Variants in AGBL4 observed in about 807,000 individuals in gnomAD.
The protein encoded by AGBL4 is AGBL carboxypeptidase 4.
AGBL4 carries 58 observed loss-of-function variants against 66.4 expected under a neutral mutation model. The ratio of observed to expected loss-of-function variants is 0.87; its 90% CI spans 0.71 to 1.09. AGBL4 has a LOEUF of 1.09. AGBL4 is among the 50% of genes least tolerant of loss of function. The pLI, the probability that AGBL4 is intolerant of heterozygous loss-of-function variation, is 0.00. For synonymous variants in AGBL4, 234 were observed against 222.9 expected, an observed-to-expected ratio of 1.05 and a Z score of -0.44; for missense variants, 579 against 631.0, an observed-to-expected ratio of 0.92 and a Z score of 0.88.
At chr1:49,786,917 A>G (rs1644468166) in intron 2 of AGBL4, among the ~76,000 whole-genome samples, 1 of 152,160 alleles carries the variant, frequency 6.6e-6, no homozygotes, top group Non-Finnish European at 1.5e-5. Context: ...TTCCATCACT[A>G]CATAACAAGA....
intron 3 of AGBL4, among the ~76,000 whole-genome samples, chr1:49,402,018 A>C (rs1645097335): frequency 6.6e-6 from 1 of 152,054 alleles, no homozygotes; most frequent in Non-Finnish European, 1.5e-5. Context: ...TATCAGTTGT[A>C]ATGTCTCTTT....
At chr1:49,552,220 G>A (rs575641223) in intron 3 of AGBL4, among the ~76,000 whole-genome samples, 1 of 152,248 alleles carries the variant, frequency 6.6e-6, no homozygotes, top group South Asian at 2.1e-4. Context: ...CTTACCCCAA[G>A]CTACCTGTCT....
At chr1:49,568,571 T>A in intron 3 of AGBL4, among the ~76,000 whole-genome samples, 1 of 149,390 alleles carries the variant, frequency 6.7e-6, no homozygotes, top group East Asian at 2.0e-4. Flanking sequence ...AAAATGGCAA[T>A]ACTGACCAAA....
intron 6 of AGBL4, among the ~76,000 whole-genome samples, chr1:48,758,079 T>C (rs1367854465): frequency 6.6e-6 from 1 of 152,228 alleles, no homozygotes; most frequent in Non-Finnish European, 1.5e-5. Flanking sequence ...TAAACCACTT[T>C]AGATCAGAAA....
chr1:49,545,321 A>T (rs980569821), intron 3 of AGBL4, among the ~76,000 whole-genome samples: 1 of 152,204 alleles, frequency 6.6e-6, no homozygotes, highest in Non-Finnish European at 1.5e-5. Context: ...TGAGGCCCTC[A>T]GTCAAATAGT....
At chr1:49,291,798 C>T (rs1424904439) in intron 3 of AGBL4, among the ~76,000 whole-genome samples, 2 of 152,162 alleles carry the variant, frequency 1.3e-5, no homozygotes, top group East Asian at 1.9e-4. Context: ...TGGGGCTGCA[C>T]ATTCCACAGA....
At chr1:49,289,442 G>A (rs7514767) in intron 3 of AGBL4, among the ~76,000 whole-genome samples, 65,400 of 151,962 alleles carry the variant, frequency 0.43, 16,647 homozygotes, top group Non-Finnish European at 0.58. Context: ...TATAAAAAGC[G>A]ATAGTGCTAT....
At chr1:49,894,859 A>G (rs934055504) in intron 1 of AGBL4, among the ~76,000 whole-genome samples, 3 of 152,142 alleles carry the variant, frequency 2.0e-5, no homozygotes, top group African/African-American at 7.2e-5. Flanking sequence ...ATTTTTTCAA[A>G]GTAATAATAG....
chr1:49,347,252 C>CTT lies in AGBL4; in HGVS notation c.283-101390_283-101389dup, dbSNP rs35313917. On this transcript the variant is annotated intron_variant, in intron 3 of 13. Transcript: ENST00000371839. The stretch of plus-strand genomic sequence containing the variant: ...AGCCATTTCCTTTCTTTCTTTCTTT[C>CTT]TTTTTTTTTTTTTTTTTGAGATGGA... Among the ~76,000 whole-genome samples, 6 of 115,830 alleles carry CTT rather than the reference C, an allele frequency of 5.2e-5. 1 individual carries two copies. The highest frequency in any genetic ancestry group is 9.4e-5 in the African/African-American group (3 of 31,904). 76.0% of individuals were successfully genotyped at this position (115,830 alleles called of 152,430 possible).
intron 9 of AGBL4, among the ~76,000 whole-genome samples, chr1:48,630,432 T>G (rs1045246096): frequency 3.8e-4 from 58 of 152,106 alleles, no homozygotes; most frequent in African/African-American, 1.4e-3. Context: ...TACTAACTGT[T>G]CCTCCTGGGT....
intron 5 of AGBL4, among the ~76,000 whole-genome samples, chr1:49,031,115 TTTCA>T: frequency 6.6e-6 from 1 of 152,140 alleles, no homozygotes; most frequent in Middle Eastern, 3.4e-3. Context: ...TTTGAAACAG[TTTCA>T]CTTTGTCACC....
chr1:48,620,815 G>T (rs1645400542), intron 9 of AGBL4, among the ~76,000 whole-genome samples: 3 of 152,146 alleles, frequency 2.0e-5, no homozygotes, highest in African/African-American at 7.2e-5. Flanking sequence ...TAAGTGCTTA[G>T]TGGGTTTTTG....
chr1:49,993,864 G>A lies in AGBL4; in HGVS notation c.34+29899C>T, dbSNP rs541617498. ...TAAACCTTTGCTGTTGTAAACTCCT[G>A]GGATTTTTAAGTATTTACTATCACT... On this transcript the variant is annotated intron_variant, in intron 1 of 13. Coordinates refer to ENST00000371839, the MANE Select transcript of AGBL4 (RefSeq NM_032785.4). 9.2e-5 allele frequency among the ~76,000 whole-genome samples: 14 copies of A among 152,226 alleles called. 1 individual carries two copies. The South Asian group carries it at 2.9e-3, about 32-fold the overall frequency.
intron 4 of AGBL4, among the ~76,000 whole-genome samples, chr1:49,131,278 T>C (rs1426225217): frequency 6.6e-6 from 1 of 152,032 alleles, no homozygotes; most frequent in Admixed American, 6.6e-5. Flanking sequence ...AAAGGACTTT[T>C]GGGGGTGGTA....
chr1:49,796,919 T>C (rs1464075031), intron 2 of AGBL4, among the ~76,000 whole-genome samples: 2 of 152,100 alleles, frequency 1.3e-5, no homozygotes, highest in Admixed American at 1.3e-4. Context: ...AGTTTTCCTA[T>C]AGTTAACGAA....
Position 49,089,363 on chromosome 1 carries a change from A to G in AGBL4, c.378-43563T>C, listed in dbSNP as rs557630499. On this transcript the variant is annotated intron_variant, in intron 4 of 13. Transcript: ENST00000371839. ...ATAAGATTGATAGACTGCTAGCTAG[A>G]CTAATAAAGAAAAAAGATATCCAAC... Among the ~76,000 whole-genome samples, 10 of 152,124 alleles carry G rather than the reference A, an allele frequency of 6.6e-5. No individual in the cohort carries two copies. The South Asian group carries it at 2.1e-3, about 32-fold the overall frequency.
Position 48,727,804 on chromosome 1 carries a change from G to C in AGBL4, c.635-64563C>G, listed in dbSNP as rs574318213. The C allele has an allele frequency of 4.4e-6, 6 of 1,353,736 alleles. No homozygotes were observed. In the African/African-American group the frequency reaches 8.6e-5, roughly 20 times the overall value. The allele number at this position is 1,353,736 out of a possible 1,614,324, so 83.9% of individuals were successfully genotyped here. On this transcript the variant is annotated intron_variant, in intron 6 of 13. Coordinates refer to ENST00000371839, the MANE Select transcript of AGBL4 (RefSeq NM_032785.4). ...TGCACACACACCACCATGCACGGTG[G>C]GGTCTGATTTGGACGGCACCATCGC...
chr1:48,856,071 A>T (rs1202752367), intron 6 of AGBL4, among the ~76,000 whole-genome samples: 2 of 152,206 alleles, frequency 1.3e-5, no homozygotes. Flanking sequence ...ATACATGCAG[A>T]GAAAAAAAGC....
intron 2 of AGBL4, among the ~76,000 whole-genome samples, chr1:49,763,360 C>T (rs2147866725): frequency 6.6e-6 from 1 of 152,352 alleles, no homozygotes; most frequent in East Asian, 1.9e-4. Context: ...GTCCAAGGTA[C>T]TGTGCCTTTC....
Sources: allele counts gnomAD v4.1 joint callset (sites outside exome capture counted in the v4.1 genomes callset), GRCh38; gene constraint gnomAD v4.1.1; transcripts MANE v1.5; gene names NCBI Gene and HGNC (gene_info 2026-07-23, HGNC 2026-07-21).